FSTL4: variants seen among roughly 807,000 people sequenced by gnomAD.
FSTL4 encodes follistatin-related protein 4.
Under a neutral mutation model 78.2 loss-of-function variants are expected in FSTL4, and 28 were observed. The ratio of observed to expected loss-of-function variants is 0.36; its 90% CI spans 0.27 to 0.49. The LOEUF (loss-of-function observed/expected upper bound fraction) is 0.49. Ranked by LOEUF, FSTL4 falls within the 20% of genes least tolerant of loss-of-function variation. The pLI is 0.98. For missense variants in FSTL4, 922 were observed against 1,084.9 expected, an observed-to-expected ratio of 0.85 and a Z score of 2.11; for synonymous variants, 422 against 440.5, an observed-to-expected ratio of 0.96 and a Z score of 0.53.
chr5:133,758,191 G>A, the FSTL4 span, among the ~76,000 whole-genome samples: 2 of 152,124 alleles, frequency 1.3e-5, no homozygotes, highest in Admixed American at 6.5e-5. Flanking sequence ...TGAGGGATGT[G>A]CAATTATTAT....
At chr5:133,396,244 T>C (rs147151729) in intron 4 of FSTL4, among the ~76,000 whole-genome samples, 1 of 152,332 alleles carries the variant, frequency 6.6e-6, no homozygotes, top group Non-Finnish European at 1.5e-5. Context: ...CTGTTGACAC[T>C]GCGTAGAGAA....
the FSTL4 span, among the ~76,000 whole-genome samples, chr5:133,660,482 A>G: frequency 6.6e-6 from 1 of 152,250 alleles, no homozygotes; most frequent in Non-Finnish European, 1.5e-5. Context: ...TGCTGGCCAC[A>G]GGCCCCCTGC....
Position 133,383,048 on chromosome 5 carries a change from C to T in FSTL4, c.409+17690G>A, listed in dbSNP as rs182003428. 7.2e-5 allele frequency among the ~76,000 whole-genome samples: 11 copies of T among 152,246 alleles called. No homozygotes were observed. In the East Asian group the frequency reaches 2.1e-3, roughly 29 times the overall value. ...ACATGGACTTTACTGACATGTTACTCCTTGGCCCATTTTGAAATGACCTCT... is the reference window on the plus strand; with the variant it reads ...ACATGGACTTTACTGACATGTTACTTCTTGGCCCATTTTGAAATGACCTCT... On this transcript the variant is annotated intron_variant, in intron 4 of 15. Transcript: ENST00000265342.
At chr5:133,437,301 G>A (rs1021846924) in intron 3 of FSTL4, among the ~76,000 whole-genome samples, 9 of 152,102 alleles carry the variant, frequency 5.9e-5, no homozygotes, top group African/African-American at 2.2e-4. Context: ...AGTAGGAGCC[G>A]TCAGTGACAG....
chr5:133,734,497 G>T, the FSTL4 span, among the ~76,000 whole-genome samples: 1 of 152,192 alleles, frequency 6.6e-6, no homozygotes, highest in African/African-American at 2.4e-5. Flanking sequence ...AAGAATGAGA[G>T]AAGACAAGAG....
intron 5 of FSTL4, among the ~76,000 whole-genome samples, chr5:133,313,551 TG>T (rs1753838175): frequency 6.6e-6 from 1 of 152,110 alleles, no homozygotes; most frequent in Admixed American, 6.5e-5. Flanking sequence ...GAAGCCAGTG[TG>T]CTCGGAACTG....
chr5:133,659,033 T>C, the FSTL4 span, among the ~76,000 whole-genome samples: 2 of 152,132 alleles, frequency 1.3e-5, no homozygotes, highest in African/African-American at 4.8e-5. Context: ...AAAGCTTATT[T>C]TGGGCTTACC....
chr5:133,678,546 C>A, the FSTL4 span, among the ~76,000 whole-genome samples: 1 of 147,996 alleles, frequency 6.8e-6, no homozygotes, highest in Non-Finnish European at 1.5e-5. Context: ...GGGAGAGGGG[C>A]AGGTCTGTGT....
the FSTL4 span, among the ~76,000 whole-genome samples, chr5:133,836,367 T>C: frequency 6.6e-6 from 1 of 152,202 alleles, no homozygotes; most frequent in African/African-American, 2.4e-5. Context: ...CATTCTTGAC[T>C]TGTTAAAGCC....
At chr5:133,728,578 G>T in the FSTL4 span, among the ~76,000 whole-genome samples, 1 of 152,212 alleles carries the variant, frequency 6.6e-6, no homozygotes, top group Non-Finnish European at 1.5e-5. Flanking sequence ...AGGAGGATAT[G>T]ATTCCTAGAT....
intron 3 of FSTL4, among the ~76,000 whole-genome samples, chr5:133,564,947 T>C (rs983826753): frequency 6.6e-6 from 1 of 152,178 alleles, no homozygotes; most frequent in Admixed American, 6.5e-5. Flanking sequence ...AGTCACATAA[T>C]GTGAAGTTGC....
intron 11 of FSTL4, among the ~76,000 whole-genome samples, chr5:133,221,461 A>G (rs138749989): frequency 1.9e-3 from 270 of 139,014 alleles, no homozygotes; most frequent in Non-Finnish European, 2.6e-3. Context: ...AGCAGAACCT[A>G]CACTCCAGTC....
At chr5:133,796,360 T>C in the FSTL4 span, among the ~76,000 whole-genome samples, 12 of 152,320 alleles carry the variant, frequency 7.9e-5, no homozygotes, top group Middle Eastern at 3.4e-3. Context: ...CAGTGGGCCC[T>C]CTGCCTTTCT....
At chr5:133,241,447 A>G (rs1751870835) in intron 7 of FSTL4, among the ~76,000 whole-genome samples, 1 of 152,236 alleles carries the variant, frequency 6.6e-6, no homozygotes, top group African/African-American at 2.4e-5. Context: ...ATCTGGGTAT[A>G]CACAGAGGCC....
upstream of FSTL4, chr5:133,612,695 A>T (rs1390451115): frequency 6.6e-6 from 1 of 151,240 alleles, no homozygotes; most frequent in Non-Finnish European, 1.5e-5. The surrounding 1 kb of genome is among the most constrained non-coding windows in gnomAD (Gnocchi z 6.2). Context: ...GGGCGCGATG[A>T]CTCCGGAGCG....
rs1037446862 is a variant in FSTL4 at position 133,198,604 on chromosome 5, G to C, written c.*491C>G. The stretch of plus-strand genomic sequence containing the variant: ...CAAATGGAAAGAAAAGCAAGAAGCA[G>C]CTGCGAGGGAGAAGATGCGGTCCCA... On this transcript the variant is annotated 3_prime_UTR_variant, in exon 16 of 16. Transcript: ENST00000265342. 6.5e-5 allele frequency: 10 copies of C among 153,646 alleles called. No individual in the cohort carries two copies. Among genetic ancestry groups the C allele is most frequent in the African/African-American group, 2.4e-4 (10 of 41,510 alleles). 9.5% of individuals were successfully genotyped at this position (153,646 alleles called of 1,614,324 possible).
the FSTL4 span, among the ~76,000 whole-genome samples, chr5:133,715,547 A>G: frequency 6.6e-6 from 1 of 152,224 alleles, no homozygotes; most frequent in African/African-American, 2.4e-5. Context: ...CCTTTTGTTC[A>G]TTATGCTTCA....
intron 6 of FSTL4, among the ~76,000 whole-genome samples, chr5:133,263,632 C>T (rs4958086): frequency 0.51 from 77,389 of 151,930 alleles, 21,879 homozygotes; most frequent in East Asian, 0.8. Flanking sequence ...GGACAGAGAA[C>T]GGGAGGTGAG....
intron 3 of FSTL4, among the ~76,000 whole-genome samples, chr5:133,565,187 T>C (rs1760000297): frequency 6.6e-6 from 1 of 152,220 alleles, no homozygotes; most frequent in Admixed American, 6.5e-5. Context: ...GAGTCAGAGC[T>C]GGGAACCAAC....
Sources: allele counts gnomAD v4.1 joint callset (sites outside exome capture counted in the v4.1 genomes callset), GRCh38; gene constraint gnomAD v4.1.1; non-coding constraint Gnocchi (gnomAD v3.1); transcripts MANE v1.5; gene names NCBI Gene and HGNC (gene_info 2026-07-23, HGNC 2026-07-21).